ADAM9: variants seen among roughly 807,000 people sequenced by gnomAD.
ADAM9 encodes the protein ADAM metallopeptidase domain 9, also known as disintegrin and metalloproteinase domain-containing protein 9.
A neutral mutation model predicts 108.1 loss-of-function variants in ADAM9; 54 were observed. That is an observed-to-expected ratio of 0.50 (90% CI 0.40 to 0.63). The LOEUF is 0.63. Among genes scored for constraint, ADAM9 ranks in the 20% least tolerant of loss-of-function variants. The pLI is 0.00. For missense variants in ADAM9, 830 were observed against 997.7 expected, an observed-to-expected ratio of 0.83 and a Z score of 2.26; for synonymous variants, 316 against 336.0, an observed-to-expected ratio of 0.94 and a Z score of 0.65.
chr8:39,075,754 G>A (rs2129441769), intron 15 of ADAM9: 1 of 152,328 alleles, frequency 6.6e-6, no homozygotes, highest in African/African-American at 2.4e-5. Flanking sequence ...GGCCCCAACA[G>A]ATCTTAACTG....
At chr8:39,018,145 C>G (rs1197661440) in intron 6 of ADAM9, among the ~76,000 whole-genome samples, 3 of 152,200 alleles carry the variant, frequency 2.0e-5, no homozygotes, top group Non-Finnish European at 4.4e-5. Context: ...AGATCAACTT[C>G]AGCTGCAGGG....
intron 15 of ADAM9, among the ~76,000 whole-genome samples, chr8:39,076,564 A>G (rs949104933): frequency 2.6e-5 from 4 of 152,288 alleles, no homozygotes; most frequent in East Asian, 1.9e-4. Context: ...TCAGATGACA[A>G]TCAGTTAAAC....
intron 2 of ADAM9, 85 bp from the exon 3 acceptor site, chr8:39,011,573 A>AATTTCCTG: frequency 8.0e-7 from 1 of 1,245,626 alleles, no homozygotes. Context: ...TTCAGGATGG[A>AATTTCCTG]ATTTCCTGCA....
intron 18 of ADAM9, among the ~76,000 whole-genome samples, chr8:39,086,324 T>C (rs748702091): frequency 6.6e-6 from 1 of 152,200 alleles, no homozygotes; most frequent in Non-Finnish European, 1.5e-5. Flanking sequence ...TGGCTGTTGA[T>C]TTTTAAAAAT....
At position 39,037,211 on chromosome 8, in the gene ADAM9, C is replaced by G. The variant is rs1474648107; in HGVS notation, c.1131-4735C>G. ...TAGCTGGGACTACAGGCGCCCGCCA[C>G]TGCGCCCGGCTAATTTTTTTTTTTT... is the stretch of plus-strand genomic sequence containing the variant. On this transcript the variant is annotated intron_variant, in intron 11 of 21. Transcript: ENST00000487273. 1.7e-4 allele frequency among the ~76,000 whole-genome samples: 25 copies of G among 150,250 alleles called. 1 individual carries two copies. The highest frequency in any genetic ancestry group is 4.0e-4 in the Admixed American group (6 of 15,144).
intron 18 of ADAM9, among the ~76,000 whole-genome samples, chr8:39,086,624 T>C (rs1839188953): frequency 6.6e-6 from 1 of 152,212 alleles, no homozygotes; most frequent in African/African-American, 2.4e-5. Flanking sequence ...TTGATATTTT[T>C]CCCTCTTTTA....
chr8:39,045,432 ATGTG>A (rs1837711451), intron 12 of ADAM9, among the ~76,000 whole-genome samples: 1 of 133,598 alleles, frequency 7.5e-6, no homozygotes, highest in African/African-American at 2.7e-5. Context: ...ACACACCTAT[ATGTG>A]CGCGTGTGTA....
chr8:38,997,030 C>G lies in ADAM9; in HGVS notation c.-34C>G, dbSNP rs753345839. ...TGGAAGAGGCGGAGGTGGAGGCGAC[C>G]GAGTGCTGAGAGGAACCTGCGGAAT... On this transcript the variant is annotated 5_prime_UTR_variant, in exon 1 of 22. Coordinates refer to ENST00000487273, the MANE Select transcript of ADAM9 (RefSeq NM_003816.3). 6.2e-7 allele frequency: 1 copy of G among 1,601,262 alleles called. No individual in the cohort carries two copies. Among genetic ancestry groups the G allele is most frequent in the East Asian group, 2.2e-5 (1 of 44,700 alleles).
At chr8:39,046,889 C>T (rs1429462035) in intron 12 of ADAM9, among the ~76,000 whole-genome samples, 3 of 152,082 alleles carry the variant, frequency 2.0e-5, no homozygotes, top group Admixed American at 2.0e-4. Flanking sequence ...GTGCCTCAGC[C>T]TCTTGAGTAG....
intron 16 of ADAM9, among the ~76,000 whole-genome samples, chr8:39,081,867 C>T (rs756784900): frequency 2.0e-5 from 3 of 152,080 alleles, no homozygotes; most frequent in Non-Finnish European, 2.9e-5. Flanking sequence ...TCTTTTAAAA[C>T]GTTAGTCTTC....
At chr8:39,006,832 T>C (rs954705902) in intron 1 of ADAM9, among the ~76,000 whole-genome samples, 1 of 152,160 alleles carries the variant, frequency 6.6e-6, no homozygotes, top group Admixed American at 6.5e-5. Flanking sequence ...CTCTTAACTG[T>C]TAAGAAATTT....
intron 18 of ADAM9, among the ~76,000 whole-genome samples, chr8:39,088,321 A>G (rs547415187): frequency 2.5e-3 from 381 of 151,166 alleles, no homozygotes; most frequent in Non-Finnish European, 4.7e-3. Context: ...GCTGGAGTGC[A>G]GTGGTGCAAT....
Position 39,025,815 on chromosome 8 carries a change from T to C in ADAM9, c.927T>C (p.Phe309=), listed in dbSNP as rs1367508852. 1 of 1,614,122 alleles carries C rather than the reference T, an allele frequency of 6.2e-7. No individual in the cohort carries two copies. Among genetic ancestry groups the C allele is most frequent in the East Asian group, 2.2e-5 (1 of 44,884 alleles). ...DSAQLVLKKG[F]GGTAGMAFVG... is the part of the protein sequence containing the mutation. ...CATTTTCATTTAGAAAGAAAGGTTT[T>C]GGTGGAACTGCAGGAATGGCATTTG... Residue 309 remains phenylalanine (F), a synonymous_variant, in exon 10 of 22, where the codon TTT becomes TTC. Transcript: ENST00000487273.
chr8:39,075,581 G>T (rs1409642317), intron 15 of ADAM9, among the ~76,000 whole-genome samples: 1 of 152,158 alleles, frequency 6.6e-6, no homozygotes, highest in Non-Finnish European at 1.5e-5. Context: ...TTTATGAGCT[G>T]CCTGTTTACA....
chr8:39,045,301 T>C (rs111066284), intron 12 of ADAM9, among the ~76,000 whole-genome samples: 29,058 of 80,794 alleles, frequency 0.36, 6,280 homozygotes, highest in East Asian at 0.72. Flanking sequence ...TGTACACCTA[T>C]ACATGTGTGT....
chr8:39,101,092 T>A (rs1332965384), intron 20 of ADAM9, among the ~76,000 whole-genome samples: 1 of 152,232 alleles, frequency 6.6e-6, no homozygotes, highest in Non-Finnish European at 1.5e-5. Context: ...ATAGGAAATA[T>A]GTTACCTTCT....
chr8:39,071,021 CT>C (rs771352897), intron 14 of ADAM9, among the ~76,000 whole-genome samples: 1 of 152,112 alleles, frequency 6.6e-6, no homozygotes, highest in Non-Finnish European at 1.5e-5. Context: ...TTTTAATTTA[CT>C]TATAATCTAT....
chr8:39,047,645 T>C (rs929619283), intron 12 of ADAM9, among the ~76,000 whole-genome samples: 8 of 152,186 alleles, frequency 5.3e-5, no homozygotes, highest in African/African-American at 1.9e-4. Flanking sequence ...AATGTCTCCT[T>C]TCTCATTTCT....
At chr8:38,998,291 A>C (rs1445621527) in intron 1 of ADAM9, among the ~76,000 whole-genome samples, 2 of 152,188 alleles carry the variant, frequency 1.3e-5, no homozygotes, top group African/African-American at 4.8e-5. Flanking sequence ...AAGTTGCCAA[A>C]TTTCTTCTGG....
Sources: allele counts gnomAD v4.1 joint callset (sites outside exome capture counted in the v4.1 genomes callset), GRCh38; gene constraint gnomAD v4.1.1; transcripts MANE v1.5; gene names NCBI Gene and HGNC (gene_info 2026-07-23, HGNC 2026-07-21).